The following TINAG variants were observed in gnomAD, a reference collection of about 807,000 sequenced individuals.
TINAG encodes tubulointerstitial nephritis antigen.
Under a neutral mutation model 72.7 loss-of-function variants are expected in TINAG, and 83 were observed. The ratio of observed to expected loss-of-function variants is 1.14; its 90% CI spans 0.96 to 1.37. TINAG has a LOEUF of 1.37. Among genes scored for constraint, TINAG ranks in the 40% most tolerant of loss-of-function variants. TINAG has a pLI of 0.00. For synonymous variants in TINAG, 234 were observed against 189.9 expected (o/e 1.23, Z -1.91); for missense variants, 685 against 576.6 (o/e 1.19, Z -1.93).
intron 9 of TINAG, among the ~76,000 whole-genome samples, chr6:54,376,401 T>C (rs1040155396): frequency 6.6e-6 from 1 of 152,144 alleles, no homozygotes; most frequent in Non-Finnish European, 1.5e-5. Context: ...ATTCTGTGCT[T>C]ACCTTAAAAG....
chr6:54,320,580 T>C lies in TINAG; in HGVS notation c.357T>C (p.Gly119=). 1 of 1,595,856 alleles carries C rather than the reference T, an allele frequency of 6.3e-7. No individual in the cohort carries two copies. Among genetic ancestry groups the C allele is most frequent in the Non-Finnish European group, 8.5e-7 (1 of 1,170,386 alleles). Residue 119 remains glycine, a splice_region_variant and synonymous_variant, in exon 2 of 11, where the codon GGT becomes GGC. Coordinates refer to ENST00000259782, the MANE Select transcript of TINAG (RefSeq NM_014464.4). ...TTTCTTTACATGTTACTTTGACAGG[T>C]TGCTTCAAAGATGGTCAACATTATG... ...PPHTQPWYPE[G]CFKDGQHYEE... is the part of the protein sequence containing the mutation.
chr6:54,389,953 G>A lies in TINAG; in HGVS notation c.*28G>A, dbSNP rs1446329770. Reference sequence around the variant, plus strand: ...TATCATTAAATTTCCATAAGGTCATGCCTTTAAGTAACCCCCTAAATTGAA... The same window carrying A: ...TATCATTAAATTTCCATAAGGTCATACCTTTAAGTAACCCCCTAAATTGAA... On this transcript the variant is annotated 3_prime_UTR_variant, in exon 11 of 11. Coordinates refer to ENST00000259782, the MANE Select transcript of TINAG (RefSeq NM_014464.4). 8.1e-6 allele frequency: 13 copies of A among 1,597,840 alleles called. No homozygotes were observed. The highest frequency in any genetic ancestry group is 1.0e-5 in the Non-Finnish European group (12 of 1,175,260).
chr6:54,333,264 T>C (rs1331924702), intron 4 of TINAG, among the ~76,000 whole-genome samples: 1 of 152,148 alleles, frequency 6.6e-6, no homozygotes, highest in Non-Finnish European at 1.5e-5. Context: ...GTGGCAAATA[T>C]ATACCATGGA....
chr6:54,325,147 A>G (rs1784574885), intron 3 of TINAG, among the ~76,000 whole-genome samples: 1 of 152,208 alleles, frequency 6.6e-6, no homozygotes. Context: ...CAGATAGAGA[A>G]CTAAATTTGC....
intron 9 of TINAG, among the ~76,000 whole-genome samples, chr6:54,376,796 A>G (rs1393348612): frequency 6.6e-6 from 1 of 152,144 alleles, no homozygotes; most frequent in Admixed American, 6.5e-5. Context: ...GACTTTTCAT[A>G]TATATAAAAA....
At position 54,308,801 on chromosome 6, in the gene TINAG, A is replaced by G; in HGVS notation, c.251A>G (p.Asp84Gly). ...FYAANALCYC[D>G]KFCDRENSDC... The stretch of plus-strand genomic sequence containing the variant: ...GCGGCGAATGCGTTGTGCTACTGTG[A>G]TAAATTCTGTGACAGAGAAAATTCT... The change falls in exon 1 of 11, where the codon GAT becomes GGT. Residue 84 changes from aspartate to glycine, a missense_variant. Transcript: ENST00000259782. 1.9e-6 allele frequency: 3 copies of G among 1,613,790 alleles called. No individual in the cohort carries two copies. The highest frequency in any genetic ancestry group is 2.5e-6 in the Non-Finnish European group (3 of 1,179,878).
chr6:54,330,435 C>T (rs1242859568), intron 4 of TINAG, among the ~76,000 whole-genome samples: 1 of 152,172 alleles, frequency 6.6e-6, no homozygotes, highest in African/African-American at 2.4e-5. Flanking sequence ...GTACCAGAAT[C>T]TCTGGGACAC....
intron 1 of TINAG, 68 bp downstream of exon 1, chr6:54,308,973 C>G: frequency 1.6e-6 from 2 of 1,261,634 alleles, no homozygotes; most frequent in South Asian, 1.5e-5. Flanking sequence ...AACGTTCTCT[C>G]TTTTTCTTCT....
intron 1 of TINAG, among the ~76,000 whole-genome samples, chr6:54,315,623 G>A (rs925416763): frequency 1.3e-5 from 2 of 151,824 alleles, no homozygotes; most frequent in African/African-American, 4.8e-5. Flanking sequence ...GCTTCTGTGA[G>A]CTATCATTCC....
intron 1 of TINAG, among the ~76,000 whole-genome samples, chr6:54,312,846 T>G (rs1168169452): frequency 6.6e-6 from 1 of 152,196 alleles, no homozygotes; most frequent in Admixed American, 6.5e-5. Flanking sequence ...GGATGCCACC[T>G]TTTGGTAACA....
intron 9 of TINAG, among the ~76,000 whole-genome samples, chr6:54,372,518 T>C (rs1763650537): frequency 6.6e-6 from 1 of 151,896 alleles, no homozygotes; most frequent in Non-Finnish European, 1.5e-5. Flanking sequence ...TCCAGAGATT[T>C]GGGGGTGAAG....
intron 9 of TINAG, among the ~76,000 whole-genome samples, chr6:54,360,672 A>G (rs185397586): frequency 1.1e-4 from 16 of 151,638 alleles, no homozygotes; most frequent in Admixed American, 9.2e-4. Context: ...AATAACTTAA[A>G]TGAATAAATT....
chr6:54,326,381 A>G (rs752664997), intron 3 of TINAG, among the ~76,000 whole-genome samples: 15 of 151,924 alleles, frequency 9.9e-5, no homozygotes, highest in Non-Finnish European at 2.2e-4. Context: ...TTTCATGCAT[A>G]CTTTTTTACC....
At position 54,321,366 on chromosome 6, in the gene TINAG, G is replaced by A; in HGVS notation, c.489G>A (p.Gln163=). 1 of 1,612,618 alleles carries A rather than the reference G, an allele frequency of 6.2e-7. No homozygotes were observed. The highest frequency in any genetic ancestry group is 1.7e-4 in the Middle Eastern group (1 of 6,058). Residue 163 remains glutamine, a synonymous_variant, in exon 3 of 11, where the codon CAG becomes CAA. Transcript: ENST00000259782. ...TTGTTCGTTCAGAATTAATTGAACA[G>A]GTCAATAAAGGAGACTATGGGTGAG... The part of the protein sequence containing the change: ...VCLVRSELIE[Q]VNKGDYGWTA...
At chr6:54,351,308 G>A (rs1159176758) in intron 7 of TINAG, 44 bp from the exon 8 acceptor site, 3 of 1,538,240 alleles carry the variant, frequency 2.0e-6, no homozygotes, top group East Asian at 2.3e-5. Flanking sequence ...GGTTTAGTAT[G>A]CTCTGATAAC....
At position 54,380,664 on chromosome 6, in the gene TINAG, A is replaced by T. The variant is rs1763919259; in HGVS notation, c.1296+93A>T. On this transcript the variant is annotated intron_variant, in intron 10 of 10. Coordinates refer to ENST00000259782, the MANE Select transcript of TINAG (RefSeq NM_014464.4). Reference sequence around the variant, plus strand: ...TACCTGCTTTGTATTATTTAGTCACATCCTCAGCTGTGTAATATTGTTGAT... The same window carrying T: ...TACCTGCTTTGTATTATTTAGTCACTTCCTCAGCTGTGTAATATTGTTGAT... 1.0e-5 allele frequency: 10 copies of T among 988,962 alleles called. No homozygotes were observed. The South Asian group carries it at 1.3e-4, about 13-fold the overall frequency. 61.3% of individuals were successfully genotyped at this position (988,962 alleles called of 1,614,324 possible).
intron 1 of TINAG, 149 bp from the exon 2 acceptor site, chr6:54,320,430 C>G: frequency 1.8e-6 from 1 of 553,222 alleles, no homozygotes; most frequent in Non-Finnish European, 3.1e-6. Flanking sequence ...CACCTTGACA[C>G]AAACCTGACA....
intron 7 of TINAG, 48 bp from the exon 8 acceptor site, chr6:54,351,304 G>A (rs1785259879): frequency 6.6e-7 from 1 of 1,522,712 alleles, no homozygotes; most frequent in Non-Finnish European, 9.1e-7. Context: ...AATGGGTTTA[G>A]TATGCTCTGA....
At position 54,378,354 on chromosome 6, in the gene TINAG, G is replaced by A. The variant is rs144757875; in HGVS notation, c.1251-2172G>A. Among the ~76,000 whole-genome samples the A allele has an allele frequency of 1.3e-4, 20 of 152,206 alleles. No homozygotes were observed. In the East Asian group the frequency reaches 3.7e-3, roughly 28 times the overall value. On this transcript the variant is annotated intron_variant, in intron 9 of 10. Coordinates refer to ENST00000259782, the MANE Select transcript of TINAG (RefSeq NM_014464.4). ...TGGTTTGGCTGCCCATTTTGAGAAA[G>A]CATGTAACAATCCGAATGCTGCTAT...
Sources: allele counts gnomAD v4.1 joint callset (sites outside exome capture counted in the v4.1 genomes callset), GRCh38; gene constraint gnomAD v4.1.1; transcripts MANE v1.5; gene names NCBI Gene and HGNC (gene_info 2026-07-23, HGNC 2026-07-21).